Variants in TNFRSF6B observed in about 807,000 individuals in gnomAD.
TNFRSF6B encodes tumor necrosis factor receptor superfamily member 6B.
TNFRSF6B carries 23 observed loss-of-function variants against 17.9 expected under a neutral mutation model. That is an observed-to-expected ratio of 1.28 (90% CI 0.92 to 1.82). The LOEUF (loss-of-function observed/expected upper bound fraction) is 1.82, where lower values mean the gene tolerates loss of function less well. Ranked by LOEUF, TNFRSF6B falls within the 40% of genes most tolerant of loss-of-function variation. The pLI is 0.00. For synonymous variants in TNFRSF6B, 291 were observed against 195.8 expected, an observed-to-expected ratio of 1.49 and a Z score of -4.06; for missense variants, 555 against 437.2, an observed-to-expected ratio of 1.27 and a Z score of -2.40.
chr20:63,697,057 A>G lies in TNFRSF6B; in HGVS notation c.290A>G (p.Glu97Gly), dbSNP rs774114869. ...CGCTACTGCAACGTCCTCTGCGGGG[A>G]GCGTGAGGAGGAGGCACGGGCTTGC... ...RCRYCNVLCG[E>G]REEEARACHA... The change falls in exon 1 of 3, where the codon GAG becomes GGG. Residue 97 changes from glutamate to glycine, a missense_variant. By Grantham distance (98) the Glu-to-Gly change is moderately conservative (BLOSUM62 -2). Transcript: ENST00000369996. 3 of 1,607,446 alleles carry G rather than the reference A, an allele frequency of 1.9e-6. No individual in the cohort carries two copies. The East Asian group carries it at 6.7e-5, about 36-fold the overall frequency.
chr20:63,698,425 G>A lies in TNFRSF6B; in HGVS notation c.765G>A (p.Leu255=), dbSNP rs774111142. The A allele has an allele frequency of 2.5e-6, 4 of 1,583,096 alleles. No homozygotes were observed. The highest frequency in any genetic ancestry group is 1.7e-6 in the Non-Finnish European group (2 of 1,167,714). The part of the protein sequence containing the change: ...TPRAGRAALQ[L]KLRRRLTELL... ...GGGCGGGCCGCGCGGCCTTGCAGCT[G>A]AAGCTGCGTCGGCGGCTCACGGAGC... Residue 255 remains leucine (L), a synonymous_variant, in exon 3 of 3, where the codon CTG becomes CTA. Coordinates refer to ENST00000369996, the MANE Select transcript of TNFRSF6B (RefSeq NM_003823.4).
In TNFRSF6B at chr20:63,697,023, G is replaced by A. The variant is rs752655400; in HGVS notation, c.256G>A (p.Glu86Lys). The change falls in exon 1 of 3, where the codon GAG becomes AAG. Residue 86 changes from glutamate (E) to lysine (K), a missense_variant. Coordinates refer to ENST00000369996, the MANE Select transcript of TNFRSF6B (RefSeq NM_003823.4). ...CTACACGCAGTTCTGGAACTACCTA[G>A]AGCGCTGCCGCTACTGCAACGTCCT... Reference protein sequence around the residue: ...RHYTQFWNYLERCRYCNVLCG... With the variant: ...RHYTQFWNYLKRCRYCNVLCG... The A allele has an allele frequency of 6.2e-7, 1 of 1,607,142 alleles. No individual in the cohort carries two copies. The highest frequency in any genetic ancestry group is 1.7e-5 in the Admixed American group (1 of 59,948).
intron 2 of TNFRSF6B, 34 bp from the exon 3 acceptor site, chr20:63,698,246 A>T: frequency 6.2e-7 from 1 of 1,604,370 alleles, no homozygotes; most frequent in Non-Finnish European, 8.5e-7. Context: ...TGTGGGTGAA[A>T]TGATCGGACC....
At position 63,697,322 on chromosome 20, in the gene TNFRSF6B, C is replaced by A; in HGVS notation, c.425-6C>A. On this transcript the variant is annotated splice_region_variant and splice_polypyrimidine_tract_variant and intron_variant, in intron 1 of 2. Coordinates refer to ENST00000369996, the MANE Select transcript of TNFRSF6B (RefSeq NM_003823.4). ...CCCTGACCCTGTTCTTCCCTCCTGG[C>A]TGCAGGCACCCCCAGCCAGAACACG... The A allele has an allele frequency of 6.2e-7, 1 of 1,605,922 alleles. No individual in the cohort carries two copies. The highest frequency in any genetic ancestry group is 1.7e-5 in the Admixed American group (1 of 58,650).
chr20:63,697,970 C>T (rs2091020030), intron 2 of TNFRSF6B, among the ~76,000 whole-genome samples: 1 of 152,168 alleles, frequency 6.6e-6, no homozygotes, highest in South Asian at 2.1e-4. Flanking sequence ...GGTCCATCTG[C>T]AGGTCCCAAC....
At position 63,698,111 on chromosome 20, in the gene TNFRSF6B, C is replaced by T. The variant is rs546525322; in HGVS notation, c.620-169C>T. 6.6e-5 allele frequency among the ~76,000 whole-genome samples: 10 copies of T among 152,330 alleles called. No individual in the cohort carries two copies. In the East Asian group the frequency reaches 1.7e-3, roughly 26 times the overall value. On this transcript the variant is annotated intron_variant, in intron 2 of 2. Coordinates refer to ENST00000369996, the MANE Select transcript of TNFRSF6B (RefSeq NM_003823.4). ...GCTCTCTGACCGAAGGCTCCTGCCC[C>T]TTCTCCAGTCCCCATCGTTGCACTG...
intron 2 of TNFRSF6B, 103 bp downstream of exon 2, chr20:63,697,625 TCTGGGA>T: frequency 7.7e-7 from 1 of 1,290,964 alleles, no homozygotes; most frequent in Non-Finnish European, 1.0e-6. Context: ...GCCAGCTGGC[TCTGGGA>T]AGGGGCCACA....
chr20:63,698,643 G>T lies in TNFRSF6B; in HGVS notation c.*80G>T. The T allele has an allele frequency of 7.4e-7, 1 of 1,354,534 alleles. No homozygotes were observed. The highest frequency in any genetic ancestry group is 1.8e-5 in the South Asian group (1 of 56,320). 83.9% of individuals were successfully genotyped at this position (1,354,534 alleles called of 1,614,324 possible). ...AGGCTTTTTTTTAAATAGAAGAAAT[G>T]AGGTTTCTTAAAGCTTATTTTTATA... On this transcript the variant is annotated 3_prime_UTR_variant, in exon 3 of 3. Transcript: ENST00000369996.
rs2091037577 is a variant in TNFRSF6B at position 63,698,541 on chromosome 20, A to AG, written c.882dup (p.Arg295AlafsTer30). ...CCCGGGCTGGAGCGGAGCGTCCGTG[A>AG]GCGCTTCCTCCCTGTGCACTGATCC... is the stretch of plus-strand genomic sequence containing the variant. On this transcript the variant is annotated frameshift_variant, in exon 3 of 3. Transcript: ENST00000369996. LOFTEE classifies it high-confidence loss of function. 1.3e-6 allele frequency: 2 copies of AG among 1,541,976 alleles called. No individual in the cohort carries two copies. The highest frequency in any genetic ancestry group is 1.7e-6 in the Non-Finnish European group (2 of 1,154,274).
At position 63,696,959 on chromosome 20, in the gene TNFRSF6B, A is replaced by C. The variant is rs777066541; in HGVS notation, c.192A>C (p.Arg64=). The C allele has an allele frequency of 1.6e-5, 26 of 1,609,764 alleles. No homozygotes were observed. In the East Asian group the frequency reaches 2.7e-4, roughly 17 times the overall value. ...PGTFVQRPCR[R]DSPTTCGPCP... is the part of the protein sequence containing the mutation. ...CCTTTGTGCAGCGGCCGTGCCGCCGAGACAGCCCCACGACGTGTGGCCCGT... is the reference window on the plus strand; with the variant it reads ...CCTTTGTGCAGCGGCCGTGCCGCCGCGACAGCCCCACGACGTGTGGCCCGT... Residue 64 remains arginine, a synonymous_variant, in exon 1 of 3, where the codon CGA becomes CGC. Coordinates refer to ENST00000369996, the MANE Select transcript of TNFRSF6B (RefSeq NM_003823.4).
At chr20:63,698,179 G>T in intron 2 of TNFRSF6B, 101 bp from the exon 3 acceptor site, 1 of 1,444,670 alleles carries the variant, frequency 6.9e-7, no homozygotes. Flanking sequence ...TCTCTCTCCT[G>T]CAAACCCCCC....
At position 63,696,657 on chromosome 20, in the gene TNFRSF6B, T is replaced by C. The variant is rs1177125237; in HGVS notation, c.-111T>C. 6 of 1,251,570 alleles carry C rather than the reference T, an allele frequency of 4.8e-6. No homozygotes were observed. Among genetic ancestry groups the C allele is most frequent in the Middle Eastern group, 2.8e-4 (1 of 3,604 alleles). 77.5% of individuals were successfully genotyped at this position (1,251,570 alleles called of 1,614,324 possible). A position where few individuals can be genotyped will look rare whatever the true frequency, so the allele number is the denominator to read the frequency against. On this transcript the variant is annotated 5_prime_UTR_variant, in exon 1 of 3. Transcript: ENST00000369996. Reference sequence around the variant, plus strand: ...CAGCAGCAGGATGGGCTTCTGGACTTGGGCGGCCCCTCCGCAGGCGGACCG... The same window carrying C: ...CAGCAGCAGGATGGGCTTCTGGACTCGGGCGGCCCCTCCGCAGGCGGACCG...
At chr20:63,698,104 C>G (rs1180113302) in intron 2 of TNFRSF6B, among the ~76,000 whole-genome samples, 176 bp from the exon 3 acceptor site, 1 of 152,204 alleles carries the variant, frequency 6.6e-6, no homozygotes, top group Non-Finnish European at 1.5e-5. Context: ...ACCGAAGGCT[C>G]CTGCCCCTTC....
Position 63,697,189 on chromosome 20 carries a change from C to T in TNFRSF6B, c.422C>T (p.Pro141Leu), listed in dbSNP as rs866513427. Residue 141 changes from proline (P) to leucine (L), a missense_variant and splice_region_variant, in exon 1 of 3, where the codon CCG becomes CTG. Coordinates refer to ENST00000369996, the MANE Select transcript of TNFRSF6B (RefSeq NM_003823.4). Reference sequence around the variant, plus strand: ...CCACCTGGTGCCGGCGTGATTGCCCCGGGTGAGAGCTGGGCGAGGGGAGGG... The same window carrying T: ...CCACCTGGTGCCGGCGTGATTGCCCTGGGTGAGAGCTGGGCGAGGGGAGGG... ...SCPPGAGVIA[P>L]GTPSQNTQCQ... The T allele has an allele frequency of 1.3e-5, 20 of 1,557,620 alleles. No homozygotes were observed. The highest frequency in any genetic ancestry group is 1.2e-5 in the South Asian group (1 of 85,764).
rs1457706894 is a variant in TNFRSF6B, at chr20:63,697,504, C to G, written c.601C>G (p.Leu201Val). 2 of 1,553,826 alleles carry G rather than the reference C, an allele frequency of 1.3e-6. No homozygotes were observed. Among genetic ancestry groups the G allele is most frequent in the South Asian group, 1.2e-5 (1 of 85,206 alleles). ...TLCTSCTGFP[L>V]STRVPGAEEC... is the part of the protein sequence containing the mutation. Reference sequence around the variant, plus strand: ...GTGCACCAGCTGCACTGGCTTCCCCCTCAGCACCAGGGTACCAGGTGAGCC... The same window carrying G: ...GTGCACCAGCTGCACTGGCTTCCCCGTCAGCACCAGGGTACCAGGTGAGCC... Residue 201 changes from leucine to valine, a missense_variant, in exon 2 of 3, where the codon CTC (leucine) becomes GTC (valine). Coordinates refer to ENST00000369996, the MANE Select transcript of TNFRSF6B (RefSeq NM_003823.4).
chr20:63,696,763 G>T lies in TNFRSF6B; in HGVS notation c.-5G>T. On this transcript the variant is annotated 5_prime_UTR_variant, in exon 1 of 3. It adds an upstream start codon to the 5' untranslated region. Coordinates refer to ENST00000369996, the MANE Select transcript of TNFRSF6B (RefSeq NM_003823.4). ...AGCCGCGCTCTCCCTGCTCCAGCAA[G>T]GACCATGAGGGCGCTGGAGGGGCCA... The T allele has an allele frequency of 6.4e-7, 1 of 1,572,928 alleles. No individual in the cohort carries two copies. Among genetic ancestry groups the T allele is most frequent in the East Asian group, 2.3e-5 (1 of 44,202 alleles).
chr20:63,697,385 G>C lies in TNFRSF6B; in HGVS notation c.482G>C (p.Ser161Thr). The change falls in exon 2 of 3, where the codon AGC (serine) becomes ACC (threonine). Residue 161 changes from serine to threonine, a missense_variant. Coordinates refer to ENST00000369996, the MANE Select transcript of TNFRSF6B (RefSeq NM_003823.4). ...TGCCCCCCAGGCACCTTCTCAGCCA[G>C]CAGCTCCAGCTCAGAGCAGTGCCAG... ...QPCPPGTFSA[S>T]SSSSEQCQPH... The C allele has an allele frequency of 6.2e-7, 1 of 1,612,134 alleles. No individual in the cohort carries two copies. The highest frequency in any genetic ancestry group is 8.5e-7 in the Non-Finnish European group (1 of 1,179,706).
intron 2 of TNFRSF6B, 54 bp from the exon 3 acceptor site, chr20:63,698,226 C>G (rs113115338): frequency 6.3e-7 from 1 of 1,591,834 alleles, no homozygotes. Context: ...TGGCAGCCCC[C>G]GCCAGTGTGT....
Position 63,698,443 on chromosome 20 carries a change from C to T in TNFRSF6B, c.783C>T (p.Leu261=), listed in dbSNP as rs1307995205. ...AALQLKLRRR[L]TELLGAQDGA... ...TGCAGCTGAAGCTGCGTCGGCGGCT[C>T]ACGGAGCTCCTGGGGGCGCAGGACG... The change falls in exon 3 of 3, where the codon CTC becomes CTT. Residue 261 remains leucine, a synonymous_variant. Coordinates refer to ENST00000369996, the MANE Select transcript of TNFRSF6B (RefSeq NM_003823.4). 1 of 1,569,320 alleles carries T rather than the reference C, an allele frequency of 6.4e-7. No homozygotes were observed. The highest frequency in any genetic ancestry group is 8.6e-7 in the Non-Finnish European group (1 of 1,162,040).
Sources: allele counts gnomAD v4.1 joint callset (sites outside exome capture counted in the v4.1 genomes callset), GRCh38; gene constraint gnomAD v4.1.1; transcripts MANE v1.5; gene names NCBI Gene and HGNC (gene_info 2026-07-23, HGNC 2026-07-21).